PDZRN4: variants seen among roughly 807,000 people sequenced by gnomAD.
PDZRN4 encodes PDZ domain containing ring finger 4.
PDZRN4 carries 70 observed loss-of-function variants against 99.0 expected under a neutral mutation model. The ratio of observed to expected loss-of-function variants is 0.71; its 90% CI spans 0.58 to 0.86. PDZRN4 has a LOEUF of 0.86. Among genes scored for constraint, PDZRN4 ranks in the 40% least tolerant of loss-of-function variants. The pLI is 0.00. For missense variants in PDZRN4, 1,474 were observed against 1,331.2 expected (o/e 1.11, Z -1.67); for synonymous variants, 551 against 501.6 (o/e 1.10, Z -1.32).
At chr12:41,335,065 G>A (rs1475775801) in intron 3 of PDZRN4, among the ~76,000 whole-genome samples, 1 of 151,912 alleles carries the variant, frequency 6.6e-6, no homozygotes, top group East Asian at 1.9e-4. Context: ...AGGTAAAAAT[G>A]AAAATATAAA....
chr12:41,401,088 A>G (rs1248283297), intron 3 of PDZRN4, among the ~76,000 whole-genome samples: 1 of 152,204 alleles, frequency 6.6e-6, no homozygotes, highest in Non-Finnish European at 1.5e-5. Context: ...CCTGGTATAT[A>G]GCAAAAATCC....
intron 3 of PDZRN4, among the ~76,000 whole-genome samples, chr12:41,208,615 AGT>A (rs1396670935): frequency 6.6e-6 from 1 of 151,980 alleles, no homozygotes; most frequent in Non-Finnish European, 1.5e-5. Flanking sequence ...CTTACACGGA[AGT>A]GGTTTTTTAA....
chr12:41,516,795 T>G (rs191248705), intron 5 of PDZRN4, among the ~76,000 whole-genome samples: 1 of 151,890 alleles, frequency 6.6e-6, no homozygotes, highest in East Asian at 1.9e-4. Context: ...CTTTCGAAAG[T>G]ATCCTAGACA....
At chr12:41,380,461 G>C (rs112290711) in intron 3 of PDZRN4, among the ~76,000 whole-genome samples, 77 of 151,700 alleles carry the variant, frequency 5.1e-4, no homozygotes, top group African/African-American at 1.8e-3. Context: ...CTTTTTTGTG[G>C]CAGCATACTT....
intron 3 of PDZRN4, among the ~76,000 whole-genome samples, chr12:41,216,674 T>C (rs1393610682): frequency 6.6e-6 from 1 of 152,120 alleles, no homozygotes; most frequent in Non-Finnish European, 1.5e-5. Context: ...TTGAGTAAAG[T>C]ATTCTGGGCC....
chr12:41,566,158 C>T (rs75928311), intron 8 of PDZRN4, among the ~76,000 whole-genome samples: 3,664 of 152,208 alleles, frequency 0.024, 82 homozygotes, highest in African/African-American at 0.055. Flanking sequence ...CTGGATTACT[C>T]AATAAGAAAA....
intron 3 of PDZRN4, among the ~76,000 whole-genome samples, chr12:41,358,161 T>C (rs1481926807): frequency 2.0e-5 from 3 of 151,936 alleles, no homozygotes; most frequent in African/African-American, 7.2e-5. Flanking sequence ...TAGTAGGAAT[T>C]GATATTCTTC....
chr12:41,467,052 A>G (rs965146786), intron 3 of PDZRN4, among the ~76,000 whole-genome samples: 4 of 152,216 alleles, frequency 2.6e-5, no homozygotes, highest in Non-Finnish European at 4.4e-5. Context: ...GAACACAATG[A>G]ATAACTAACA....
At chr12:41,359,982 C>T (rs1951953531) in intron 3 of PDZRN4, among the ~76,000 whole-genome samples, 1 of 151,976 alleles carries the variant, frequency 6.6e-6, no homozygotes, top group African/African-American at 2.4e-5. Context: ...GGATAATCAA[C>T]ATATGCCTGC....
At chr12:41,352,762 T>A (rs1951900177) in intron 3 of PDZRN4, among the ~76,000 whole-genome samples, 1 of 152,104 alleles carries the variant, frequency 6.6e-6, no homozygotes, top group Non-Finnish European at 1.5e-5. Context: ...TTCTTATGTG[T>A]TTGCCTCCCC....
chr12:41,269,124 A>G (rs1370644956), intron 3 of PDZRN4, among the ~76,000 whole-genome samples: 2 of 152,218 alleles, frequency 1.3e-5, no homozygotes, highest in Non-Finnish European at 2.9e-5. Flanking sequence ...CTAGGGTCCT[A>G]CAGCAAACAG....
At chr12:41,416,328 A>G (rs1952445309) in intron 3 of PDZRN4, among the ~76,000 whole-genome samples, 1 of 152,168 alleles carries the variant, frequency 6.6e-6, no homozygotes, top group African/African-American at 2.4e-5. Flanking sequence ...ATGGCGAAAG[A>G]AGGACTTTCT....
intron 3 of PDZRN4, among the ~76,000 whole-genome samples, chr12:41,394,828 AAG>A (rs1249895415): frequency 2.0e-5 from 3 of 151,274 alleles, no homozygotes; most frequent in Non-Finnish European, 4.4e-5. Flanking sequence ...GAGAGAGAGA[AAG>A]AGAGGGCGAG....
chr12:41,455,950 A>G (rs117128551), intron 3 of PDZRN4, among the ~76,000 whole-genome samples: 8,224 of 152,224 alleles, frequency 0.054, 293 homozygotes, highest in Middle Eastern at 0.082. Context: ...CAACCACCAC[A>G]TATCCAAGTT....
chr12:41,567,619 T>TTA (rs143990010), intron 8 of PDZRN4, among the ~76,000 whole-genome samples, 164 bp from the exon 9 acceptor site: 2 of 146,228 alleles, frequency 1.4e-5, no homozygotes, highest in African/African-American at 5.0e-5. Flanking sequence ...TTTTTTTTTT[T>TTA]ATCACCTTTT....
intron 3 of PDZRN4, among the ~76,000 whole-genome samples, chr12:41,365,869 AC>A (rs1415732703): frequency 1.3e-5 from 2 of 152,136 alleles, no homozygotes; most frequent in East Asian, 1.9e-4. Context: ...AGCTTGCTAG[AC>A]CCTGACAGAC....
intron 3 of PDZRN4, among the ~76,000 whole-genome samples, chr12:41,399,732 G>A (rs1455919628): frequency 7.2e-6 from 1 of 139,680 alleles, no homozygotes; most frequent in Non-Finnish European, 1.5e-5. Context: ...GTGAAACTTT[G>A]TCTCAAAAAA....
intron 3 of PDZRN4, among the ~76,000 whole-genome samples, chr12:41,227,322 A>G (rs1029733734): frequency 6.6e-6 from 1 of 152,050 alleles, no homozygotes; most frequent in African/African-American, 2.4e-5. Context: ...GCTTCTCTAT[A>G]TTTTATCAGG....
intron 3 of PDZRN4, among the ~76,000 whole-genome samples, chr12:41,392,910 C>T (rs1260423834): frequency 6.6e-6 from 1 of 152,184 alleles, no homozygotes; most frequent in Non-Finnish European, 1.5e-5. Context: ...AAGCAATGCT[C>T]TTAGCCACTG....
Sources: allele counts gnomAD v4.1 joint callset (sites outside exome capture counted in the v4.1 genomes callset), GRCh38; gene constraint gnomAD v4.1.1; transcripts MANE v1.5; gene names NCBI Gene and HGNC (gene_info 2026-07-23, HGNC 2026-07-21).